SLC2A2: variants seen among roughly 807,000 people sequenced by gnomAD.
The protein encoded by SLC2A2 is solute carrier family 2 member 2, also known as solute carrier family 2, facilitated glucose transporter member 2.
In SLC2A2, 36 loss-of-function variants were observed where a neutral mutation model predicts 54.5. That is an observed-to-expected ratio of 0.66 (90% confidence interval 0.51 to 0.87). SLC2A2 has a LOEUF of 0.87. Among genes scored for constraint, SLC2A2 ranks in the 40% least tolerant of loss-of-function variants. The pLI is 0.00. For synonymous variants in SLC2A2, 223 were observed against 219.1 expected (o/e 1.02, Z -0.16); for missense variants, 543 against 624.3 (o/e 0.87, Z 1.39).
At chr3:171,007,037 G>A (rs1355360719) in intron 5 of SLC2A2, 111 bp downstream of exon 5, 1 of 736,170 alleles carries the variant, frequency 1.4e-6, no homozygotes, top group Non-Finnish European at 2.5e-6. Flanking sequence ...GTCAGGGAGG[G>A]ACGAGATGGA....
At chr3:171,010,346 G>A (rs1715826939) in intron 3 of SLC2A2, among the ~76,000 whole-genome samples, 1 of 152,018 alleles carries the variant, frequency 6.6e-6, no homozygotes, top group Admixed American at 6.6e-5. Flanking sequence ...TTGAGACAGG[G>A]TCTCACTCGC....
At chr3:171,014,839 GTT>G in intron 2 of SLC2A2, 108 bp from the exon 3 acceptor site, 1 of 846,446 alleles carries the variant, frequency 1.2e-6, no homozygotes, top group Non-Finnish European at 1.9e-6. Flanking sequence ...TCAATTATGT[GTT>G]TTATATACAT....
At chr3:171,010,976 G>T (rs1329054589) in intron 3 of SLC2A2, among the ~76,000 whole-genome samples, 2 of 152,056 alleles carry the variant, frequency 1.3e-5, no homozygotes, top group African/African-American at 4.8e-5. Context: ...GAGTAGACAG[G>T]TGTGAAAATG....
intron 3 of SLC2A2, among the ~76,000 whole-genome samples, chr3:171,010,922 C>G (rs75267249): frequency 1.9e-3 from 289 of 152,058 alleles, no homozygotes; most frequent in Non-Finnish European, 2.5e-3. Flanking sequence ...CACAGAAAAC[C>G]TTTTTTGCAG....
chr3:171,001,952 A>T (rs1348736385), intron 8 of SLC2A2, among the ~76,000 whole-genome samples: 1 of 151,776 alleles, frequency 6.6e-6, no homozygotes, highest in Non-Finnish European at 1.5e-5. Flanking sequence ...AAACAATAAC[A>T]TTTCTAGTTA....
At chr3:171,021,725 G>A (rs1024641920) in intron 1 of SLC2A2, among the ~76,000 whole-genome samples, 1 of 152,284 alleles carries the variant, frequency 6.6e-6, no homozygotes, top group Admixed American at 6.5e-5. Flanking sequence ...AGAAAATTTG[G>A]GTTGATGATG....
Position 171,014,645 on chromosome 3 carries a change from A to T in SLC2A2, c.195T>A (p.Asp65Glu), listed in dbSNP as rs1217666649. 3 of 1,613,988 alleles carry T rather than the reference A, an allele frequency of 1.9e-6. No homozygotes were observed. Among genetic ancestry groups the T allele is most frequent in the African/African-American group, 2.7e-5 (2 of 74,926 alleles). The change falls in exon 3 of 11, where the codon GAT becomes GAA. Residue 65 changes from aspartate (D) to glutamate (E), a missense_variant. Physicochemically the swap from Asp to Glu is conservative, Grantham distance 45. This residue lies in a region of SLC2A2 where 318 missense variants were observed against 343.8 expected (regional missense o/e 0.93). Coordinates refer to ENST00000314251, the MANE Select transcript of SLC2A2 (RefSeq NM_000340.2). ...TTGAGTATGAGATTGTGGGCAGTTC[A>T]TCTGTACTGTTGATAACATAGTTGT... is the stretch of plus-strand genomic sequence containing the variant. Reference protein sequence around the residue: ...AINNYVINSTDELPTISYSMN... With the variant: ...AINNYVINSTEELPTISYSMN...
At chr3:171,025,850 T>G (rs530029397) in intron 1 of SLC2A2, among the ~76,000 whole-genome samples, 56 of 150,664 alleles carry the variant, frequency 3.7e-4, no homozygotes, top group African/African-American at 1.2e-3. Flanking sequence ...TATTTTTAAG[T>G]TTTTTTTTAA....
At chr3:171,025,245 T>A (rs1326321313) in intron 1 of SLC2A2, among the ~76,000 whole-genome samples, 1 of 151,394 alleles carries the variant, frequency 6.6e-6, no homozygotes, top group East Asian at 1.9e-4. Context: ...TAGCATTTTA[T>A]ATTTAACTTT....
chr3:170,999,525 C>T (rs1406105178), intron 8 of SLC2A2, among the ~76,000 whole-genome samples: 1 of 152,080 alleles, frequency 6.6e-6, no homozygotes, highest in Admixed American at 6.6e-5. Flanking sequence ...ATGTCCTGTA[C>T]ATTTAAAATT....
chr3:171,010,037 A>G lies in SLC2A2; in HGVS notation c.417T>C (p.Ala139=). The G allele has an allele frequency of 6.2e-7, 1 of 1,612,874 alleles. No individual in the cohort carries two copies. Among genetic ancestry groups the G allele is most frequent in the South Asian group, 1.1e-5 (1 of 91,064 alleles). ...LVANILSLVG[A]LLMGFSKLGP... The stretch of plus-strand genomic sequence containing the variant: ...CCAATTTTGAAAACCCCATCAAGAG[A>G]GCTCCAACTAATGACAGAATGTTTG... The change falls in exon 4 of 11, where the codon GCT becomes GCC. Residue 139 remains alanine, a synonymous_variant. Transcript: ENST00000314251.
intron 7 of SLC2A2, among the ~76,000 whole-genome samples, chr3:171,003,555 A>G (rs1033618221): frequency 6.6e-6 from 1 of 151,916 alleles, no homozygotes; most frequent in African/African-American, 2.4e-5. Context: ...ACCATTGACT[A>G]TTGACGTTTT....
At position 170,999,417 on chromosome 3, in the gene SLC2A2, A is replaced by G. The variant is rs567136327; in HGVS notation, c.1069-251T>C. On this transcript the variant is annotated intron_variant, in intron 8 of 10. Coordinates refer to ENST00000314251, the MANE Select transcript of SLC2A2 (RefSeq NM_000340.2). Reference sequence around the variant, plus strand: ...AATTTAGTCACATTGGTTTGAATAGACCATTATAGAGATAGAACCATAATG... The same window carrying G: ...AATTTAGTCACATTGGTTTGAATAGGCCATTATAGAGATAGAACCATAATG... Among the ~76,000 whole-genome samples the G allele has an allele frequency of 5.9e-5, 9 of 152,196 alleles. No individual in the cohort carries two copies. The South Asian group carries it at 1.9e-3, about 32-fold the overall frequency.
At chr3:171,002,157 G>T (rs554913530) in intron 8 of SLC2A2, among the ~76,000 whole-genome samples, 4 of 151,878 alleles carry the variant, frequency 2.6e-5, no homozygotes, top group African/African-American at 7.2e-5. Context: ...AAGGCACATG[G>T]TAAAAAAAAG....
intron 8 of SLC2A2, 149 bp downstream of exon 8, chr3:171,002,427 A>G (rs1715382438): frequency 1.5e-6 from 1 of 676,602 alleles, no homozygotes; most frequent in Admixed American, 2.1e-5. Context: ...TTATTCAAAC[A>G]GGACTCTTCT....
chr3:171,007,510 C>T (rs932790651), intron 4 of SLC2A2: 3 of 485,190 alleles, frequency 6.2e-6, no homozygotes, highest in African/African-American at 5.9e-5. Context: ...TTCTTCATTA[C>T]ATCATCTTAT....
intron 4 of SLC2A2, 77 bp downstream of exon 4, chr3:171,009,881 C>T: frequency 6.6e-7 from 1 of 1,518,716 alleles, no homozygotes; most frequent in Non-Finnish European, 8.8e-7. Flanking sequence ...GCTACCACAT[C>T]CGCCTTTAGA....
At chr3:171,005,725 T>C (rs1715565419) in intron 6 of SLC2A2, among the ~76,000 whole-genome samples, 2 of 152,056 alleles carry the variant, frequency 1.3e-5, no homozygotes, top group Admixed American at 6.6e-5. Flanking sequence ...GAGGGATCTT[T>C]TAGAAACCTC....
Position 170,997,918 on chromosome 3 carries a change from A to G in SLC2A2, c.1560T>C (p.Ala520=), listed in dbSNP as rs755934523. The G allele has an allele frequency of 3.1e-6, 5 of 1,612,896 alleles. No homozygotes were observed. Among genetic ancestry groups the G allele is most frequent in the South Asian group, 1.1e-5 (1 of 91,024 alleles). ...KAAVEMKFLG[A]TETV Reference sequence around the variant, plus strand: ...GGTTTTTTTTTTACACAGTCTCTGTAGCTCCTAGGAATTTCATTTCTACAG... The same window carrying G: ...GGTTTTTTTTTTACACAGTCTCTGTGGCTCCTAGGAATTTCATTTCTACAG... Residue 520 remains alanine, a synonymous_variant, in exon 11 of 11, where the codon GCT becomes GCC. Transcript: ENST00000314251.
Sources: gnomAD v4.1 joint callset for allele counts (sites outside exome capture counted in the v4.1 genomes callset) on GRCh38, gnomAD v4.1.1 for gene constraint, gnomAD v4.1.1 regional missense constraint, MANE v1.5 for transcripts, NCBI Gene and HGNC (gene_info 2026-07-23, HGNC 2026-07-21) for gene names.